LRRC3B: variants seen among roughly 807,000 people sequenced by gnomAD.
LRRC3B encodes leucine rich repeat containing 3B, also known as leucine-rich repeat-containing protein 3B.
LRRC3B carries 2 observed loss-of-function variants against 12.8 expected under a neutral mutation model. The observed-to-expected ratio is 0.16, with a 90% CI of 0.06 to 0.49. The LOEUF (loss-of-function observed/expected upper bound fraction) is 0.49, where lower values mean the gene tolerates loss of function less well. LRRC3B is among the 20% of genes least tolerant of loss of function. The probability of loss-of-function intolerance (pLI) is 0.96; values close to 1 mark genes in which losing one functional copy is unlikely to be tolerated. For synonymous variants in LRRC3B, 132 were observed against 122.0 expected (o/e 1.08, Z -0.54); for missense variants, 189 against 319.4 (o/e 0.59, Z 3.11).
chr3:26,668,701 A>C (rs1699658896), intron 1 of LRRC3B, among the ~76,000 whole-genome samples: 1 of 152,190 alleles, frequency 6.6e-6, no homozygotes, highest in Admixed American at 6.5e-5. Context: ...AAAGGGATAA[A>C]TAATTATTGT....
chr3:26,710,120 G>A (rs1352026072), exon 2 of LRRC3B: 1 of 1,614,028 alleles, frequency 6.2e-7, no homozygotes, highest in Non-Finnish European at 8.5e-7. Context: ...CTGGCACTGC[G>A]ACTGTACTCT....
intron 1 of LRRC3B, among the ~76,000 whole-genome samples, chr3:26,635,750 A>G (rs1326423906): frequency 6.6e-6 from 1 of 152,250 alleles, no homozygotes; most frequent in East Asian, 1.9e-4. Flanking sequence ...TCTTGGGATA[A>G]AAATGGACCT....
intron 1 of LRRC3B, among the ~76,000 whole-genome samples, chr3:26,672,055 A>C (rs148412298): frequency 1.8e-4 from 27 of 152,290 alleles, no homozygotes; most frequent in Non-Finnish European, 2.8e-4. Context: ...CTGCACCTCA[A>C]CACCCCAGCT....
chr3:26,673,191 A>AT (rs375280183), intron 1 of LRRC3B, among the ~76,000 whole-genome samples: 3 of 152,038 alleles, frequency 2.0e-5, no homozygotes, highest in African/African-American at 7.2e-5. Flanking sequence ...GGTTGCTTTT[A>AT]TTTTTTTTCT....
chr3:26,694,795 T>C (rs1466432794), intron 1 of LRRC3B: 2 of 152,202 alleles, frequency 1.3e-5, no homozygotes, highest in African/African-American at 4.8e-5. Context: ...ATGTCTCATA[T>C]ACTTTCCTAT....
At chr3:26,649,612 T>C (rs1475445109) in intron 1 of LRRC3B, among the ~76,000 whole-genome samples, 1 of 152,200 alleles carries the variant, frequency 6.6e-6, no homozygotes, top group Non-Finnish European at 1.5e-5. Flanking sequence ...CTTAACACTT[T>C]GTGCCTGTGT....
At chr3:26,670,204 A>T (rs939210738) in intron 1 of LRRC3B, among the ~76,000 whole-genome samples, 1 of 152,222 alleles carries the variant, frequency 6.6e-6, no homozygotes, top group Non-Finnish European at 1.5e-5. Flanking sequence ...TTCTTGGTAG[A>T]TGCTCAGTTT....
intron 1 of LRRC3B, among the ~76,000 whole-genome samples, chr3:26,664,870 G>A (rs1699566668): frequency 6.6e-6 from 1 of 151,718 alleles, no homozygotes; most frequent in Non-Finnish European, 1.5e-5. Flanking sequence ...TGAAAATTGA[G>A]CATGTATCAG....
intron 1 of LRRC3B, among the ~76,000 whole-genome samples, chr3:26,639,496 TTTAAA>T (rs5847411): frequency 5.0e-4 from 70 of 140,798 alleles, no homozygotes; most frequent in African/African-American, 1.1e-3. Flanking sequence ...TTAAATTAAA[TTTAAA>T]TTAAATTAAA....
chr3:26,686,985 G>A (rs1049920095), intron 1 of LRRC3B, among the ~76,000 whole-genome samples: 2 of 152,108 alleles, frequency 1.3e-5, no homozygotes, highest in South Asian at 2.1e-4. Flanking sequence ...GACAATCCCC[G>A]AATGGGTCAC....
chr3:26,632,200 T>C (rs1404008944), intron 1 of LRRC3B, among the ~76,000 whole-genome samples: 1 of 152,264 alleles, frequency 6.6e-6, no homozygotes, highest in African/African-American at 2.4e-5. Context: ...ATAATTGCCA[T>C]GCGGGCAAGA....
intron 1 of LRRC3B, among the ~76,000 whole-genome samples, chr3:26,701,790 C>T (rs1386944820): frequency 6.6e-6 from 1 of 152,056 alleles, no homozygotes; most frequent in East Asian, 1.9e-4. Context: ...GACTGTTTTA[C>T]TTTCAAAGTG....
intron 1 of LRRC3B, among the ~76,000 whole-genome samples, chr3:26,681,606 G>T (rs147353591): frequency 1.7e-3 from 265 of 152,278 alleles, no homozygotes; most frequent in African/African-American, 6.0e-3. Flanking sequence ...GGTAGCTCTG[G>T]AGGTGAAATA....
intron 1 of LRRC3B, among the ~76,000 whole-genome samples, chr3:26,695,481 C>G (rs975683440): frequency 6.6e-6 from 1 of 152,062 alleles, no homozygotes; most frequent in South Asian, 2.1e-4. Context: ...GAGCTGAGAT[C>G]GCGCCACTGC....
At chr3:26,629,179 C>T (rs1001070453) in intron 1 of LRRC3B, among the ~76,000 whole-genome samples, 4 of 147,562 alleles carry the variant, frequency 2.7e-5, no homozygotes, top group African/African-American at 1.0e-4. Flanking sequence ...TCCTCCTCTA[C>T]CCCTCCCCCT....
Position 26,700,038 on chromosome 3 carries a change from T to C in LRRC3B, c.-160-9475T>C, listed in dbSNP as rs1575176010. Among the ~76,000 whole-genome samples, 3 of 152,248 alleles carry C rather than the reference T, an allele frequency of 2.0e-5. No individual in the cohort carries two copies. In the South Asian group the frequency reaches 6.2e-4, roughly 32 times the overall value. Reference sequence around the variant, plus strand: ...CTGAAGATCCATAAGCACTAGATCTTGTAGGAAGGAGTTAATGTATTCAGA... The same window carrying C: ...CTGAAGATCCATAAGCACTAGATCTCGTAGGAAGGAGTTAATGTATTCAGA... On this transcript the variant is annotated intron_variant, in intron 1 of 1. Transcript: ENST00000396641.
At chr3:26,680,117 T>C (rs777767456) in intron 1 of LRRC3B, among the ~76,000 whole-genome samples, 2 of 152,132 alleles carry the variant, frequency 1.3e-5, no homozygotes, top group Non-Finnish European at 2.9e-5. Flanking sequence ...TAAAATTCAG[T>C]ATTTCTAGGA....
chr3:26,667,918 ATTTTATTT>A (rs1437999636), intron 1 of LRRC3B, among the ~76,000 whole-genome samples: 1 of 151,792 alleles, frequency 6.6e-6, no homozygotes, highest in Non-Finnish European at 1.5e-5. Flanking sequence ...ACTTTATTTT[ATTTTATTT>A]TTTTATTTTA....
intron 1 of LRRC3B, among the ~76,000 whole-genome samples, chr3:26,626,078 G>A (rs536849280): frequency 1.3e-5 from 2 of 152,232 alleles, no homozygotes; most frequent in Admixed American, 6.5e-5. Context: ...AAACTGCAGC[G>A]GCGTACTATA....
Sources: allele counts gnomAD v4.1 joint callset (sites outside exome capture counted in the v4.1 genomes callset), GRCh38; gene constraint gnomAD v4.1.1; transcripts MANE v1.5; gene names NCBI Gene and HGNC (gene_info 2026-07-23, HGNC 2026-07-21).